KIF13A: variants seen among roughly 807,000 people sequenced by gnomAD.
KIF13A encodes the protein kinesin-like protein KIF13A.
In KIF13A, 79 loss-of-function variants were observed where a neutral mutation model predicts 212.2. That is an observed-to-expected ratio of 0.37 (90% confidence interval 0.31 to 0.45). KIF13A has a LOEUF of 0.45. KIF13A is among the 20% of genes least tolerant of loss of function. The pLI, the probability that KIF13A is intolerant of heterozygous loss-of-function variation, is 1.00. For synonymous variants in KIF13A, 789 were observed against 808.6 expected, an observed-to-expected ratio of 0.98 and a Z score of 0.41; for missense variants, 1,901 against 2,209.0, an observed-to-expected ratio of 0.86 and a Z score of 2.79.
intron 23 of KIF13A, among the ~76,000 whole-genome samples, chr6:17,795,452 G>A (rs191517185): frequency 9.9e-5 from 15 of 151,746 alleles, no homozygotes; most frequent in African/African-American, 2.9e-4. Flanking sequence ...AAAATTATCC[G>A]GGCATGGCAG....
chr6:17,936,131 T>A (rs74922607), intron 2 of KIF13A, among the ~76,000 whole-genome samples: 1 of 152,148 alleles, frequency 6.6e-6, no homozygotes, highest in East Asian at 1.9e-4. Flanking sequence ...GGGCTGAGCC[T>A]CTCTTCATTG....
chr6:17,921,608 T>C (rs1383423741), intron 2 of KIF13A, among the ~76,000 whole-genome samples: 1 of 152,216 alleles, frequency 6.6e-6, no homozygotes, highest in African/African-American at 2.4e-5. Flanking sequence ...GGTGTGCCCC[T>C]TCACTGACTC....
intron 2 of KIF13A, among the ~76,000 whole-genome samples, chr6:17,930,337 C>T (rs1775883685): frequency 6.6e-6 from 1 of 152,170 alleles, no homozygotes; most frequent in Non-Finnish European, 1.5e-5. Flanking sequence ...CTCACAAATG[C>T]CTAATTCCTT....
chr6:17,924,116 T>G (rs1775304058), intron 2 of KIF13A, among the ~76,000 whole-genome samples: 1 of 152,204 alleles, frequency 6.6e-6, no homozygotes, highest in South Asian at 2.1e-4. Flanking sequence ...TTAAAAAAAT[T>G]ATCAGGATCA....
intron 25 of KIF13A, among the ~76,000 whole-genome samples, chr6:17,790,326 G>T (rs955411097): frequency 6.6e-6 from 1 of 152,150 alleles, no homozygotes; most frequent in Non-Finnish European, 1.5e-5. Flanking sequence ...GATCACTTGA[G>T]CGGAGGAGAT....
chr6:17,933,126 A>C (rs1481768314), intron 2 of KIF13A, among the ~76,000 whole-genome samples: 1 of 152,176 alleles, frequency 6.6e-6, no homozygotes, highest in African/African-American at 2.4e-5. Flanking sequence ...CTCTTCTATT[A>C]ATAATGAAAA....
chr6:17,818,409 G>T (rs1234585387), intron 16 of KIF13A, among the ~76,000 whole-genome samples: 1 of 152,136 alleles, frequency 6.6e-6, no homozygotes, highest in African/African-American at 2.4e-5. Context: ...AAATACACAT[G>T]TAAATTGTAA....
In KIF13A at chr6:17,785,470, C is replaced by T; in HGVS notation, c.3488+45G>A. The T allele has an allele frequency of 2.0e-6, 3 of 1,468,596 alleles. No individual in the cohort carries two copies. Among genetic ancestry groups the T allele is most frequent in the Non-Finnish European group, 2.7e-6 (3 of 1,112,858 alleles). The allele number at this position is 1,468,596 out of a possible 1,614,324, so 91.0% of individuals were successfully genotyped here. A position where few individuals can be genotyped will look rare whatever the true frequency, so the allele number is the denominator to read the frequency against. On this transcript the variant is annotated intron_variant, in intron 28 of 38. Transcript: ENST00000259711. This position sits in a 1 kb window ranked among gnomAD's most constrained non-coding sequence, Gnocchi z 5.8. ...TTGCATGGCTCTTGCCACAGGCGAC[C>T]TGTACCATCTCCCCAGGTCTGCACA...
Position 17,839,300 on chromosome 6 carries a change from C to T in KIF13A, c.831-1717G>A, listed in dbSNP as rs1766281059. Among the ~76,000 whole-genome samples the T allele has an allele frequency of 6.6e-6, 1 of 152,066 alleles. No homozygotes were observed. The highest frequency in any genetic ancestry group is 2.4e-5 in the African/African-American group (1 of 41,386). On this transcript the variant is annotated intron_variant, in intron 9 of 38. Transcript: ENST00000259711. This position sits in a 1 kb window ranked among gnomAD's most constrained non-coding sequence, Gnocchi z 4.3. ...AGATTTAAAGGTGAAACAAATCTAACCCAAGAGAAGTGAAAACATAAGTCT... is the reference window on the plus strand; with the variant it reads ...AGATTTAAAGGTGAAACAAATCTAATCCAAGAGAAGTGAAAACATAAGTCT...
chr6:17,966,413 T>A (rs1379741103), intron 2 of KIF13A, among the ~76,000 whole-genome samples: 1 of 150,828 alleles, frequency 6.6e-6, no homozygotes, highest in Non-Finnish European at 1.5e-5. Flanking sequence ...GGACTTAATA[T>A]CTTGAAACAG....
chr6:17,891,924 C>T (rs1393487625), intron 3 of KIF13A, among the ~76,000 whole-genome samples: 3 of 152,166 alleles, frequency 2.0e-5, no homozygotes, highest in Non-Finnish European at 2.9e-5. Flanking sequence ...AAGGTGCTAT[C>T]CTCTATTCTC....
In KIF13A at chr6:17,899,976, T is replaced by G. The variant is rs532887313; in HGVS notation, c.147-1796A>C. On this transcript the variant is annotated intron_variant, in intron 2 of 38. Transcript: ENST00000259711. The surrounding 1 kb of genome is among the most constrained non-coding windows in gnomAD (Gnocchi z 5.2). ...AGAAGGTAGAACAATAATAAAACTTTATGAACCATATTTTTGACTAAACCT... is the reference window on the plus strand; with the variant it reads ...AGAAGGTAGAACAATAATAAAACTTGATGAACCATATTTTTGACTAAACCT... Among the ~76,000 whole-genome samples the G allele has an allele frequency of 6.6e-6, 1 of 152,336 alleles. No homozygotes were observed. The highest frequency in any genetic ancestry group is 2.1e-4 in the South Asian group (1 of 4,830).
intron 3 of KIF13A, among the ~76,000 whole-genome samples, chr6:17,891,573 C>G (rs146033462): frequency 2.8e-4 from 42 of 152,200 alleles, no homozygotes; most frequent in African/African-American, 9.6e-4. Flanking sequence ...GCCTGAGCAA[C>G]AGAGTGAGAC....
chr6:17,902,941 A>G (rs1478876778), intron 2 of KIF13A, among the ~76,000 whole-genome samples: 3 of 152,228 alleles, frequency 2.0e-5, no homozygotes, highest in Non-Finnish European at 2.9e-5. Context: ...AGTTAAACAT[A>G]ATCCAGTTGT....
chr6:17,943,463 G>A (rs1157152368), intron 2 of KIF13A, among the ~76,000 whole-genome samples: 2 of 149,322 alleles, frequency 1.3e-5, no homozygotes, highest in Non-Finnish European at 3.0e-5. Flanking sequence ...GGCCAGCCTG[G>A]TCTCGAACTC....
At chr6:17,894,136 C>A (rs768659017) in intron 3 of KIF13A, among the ~76,000 whole-genome samples, 13 of 145,302 alleles carry the variant, frequency 8.9e-5, no homozygotes, top group Non-Finnish European at 1.6e-4. Context: ...CTGCGTCTCA[C>A]CCCATTTTTT....
At chr6:17,854,759 G>A (rs1767993649) in intron 6 of KIF13A, among the ~76,000 whole-genome samples, 1 of 149,106 alleles carries the variant, frequency 6.7e-6, no homozygotes, top group Admixed American at 6.7e-5. Context: ...TGTCATGTTG[G>A]TCAGGCTGGT....
chr6:17,943,032 C>G (rs932132968), intron 2 of KIF13A, among the ~76,000 whole-genome samples: 1 of 152,000 alleles, frequency 6.6e-6, no homozygotes, highest in African/African-American at 2.4e-5. Flanking sequence ...TAGATTAAAG[C>G]AGAGAATCAT....
At chr6:17,959,402 AAG>A (rs1459321751) in intron 2 of KIF13A, among the ~76,000 whole-genome samples, 1 of 152,248 alleles carries the variant, frequency 6.6e-6, no homozygotes, top group African/African-American at 2.4e-5. Context: ...AATGCAAAAA[AAG>A]AGTTTTATAA....
Sources: allele counts gnomAD v4.1 joint callset (sites outside exome capture counted in the v4.1 genomes callset), GRCh38; gene constraint gnomAD v4.1.1; non-coding constraint Gnocchi (gnomAD v3.1); transcripts MANE v1.5; gene names NCBI Gene and HGNC (gene_info 2026-07-23, HGNC 2026-07-21).